SHQ1: variants seen among roughly 807,000 people sequenced by gnomAD.
SHQ1 encodes the protein SHQ1, H/ACA ribonucleoprotein assembly factor.
SHQ1 carries 49 observed loss-of-function variants against 53.8 expected under a neutral mutation model. The observed-to-expected ratio is 0.91, with a 90% CI of 0.72 to 1.16. The LOEUF (loss-of-function observed/expected upper bound fraction) is 1.16. Among genes scored for constraint, SHQ1 ranks in the 50% most tolerant of loss-of-function variants. The pLI, the probability that SHQ1 is intolerant of heterozygous loss-of-function variation, is 0.00. For missense variants in SHQ1, 738 were observed against 683.1 expected, an observed-to-expected ratio of 1.08 and a Z score of -0.90; for synonymous variants, 243 against 251.0, an observed-to-expected ratio of 0.97 and a Z score of 0.30.
Position 72,845,427 on chromosome 3 carries a change from G to A in SHQ1, c.144-1004C>T, listed in dbSNP as rs537325492. Among the ~76,000 whole-genome samples, 4 of 151,758 alleles carry A rather than the reference G, an allele frequency of 2.6e-5. No homozygotes were observed. The East Asian group carries it at 7.8e-4, about 30-fold the overall frequency. ...GAACCCAGGAAGGGGAGGTTGCAGT[G>A]AGCCGAGATCATTTGCCACTGCACT... is the stretch of plus-strand genomic sequence containing the variant. On this transcript the variant is annotated intron_variant, in intron 1 of 10. Coordinates refer to ENST00000325599, the MANE Select transcript of SHQ1 (RefSeq NM_018130.3).
intron 10 of SHQ1, among the ~76,000 whole-genome samples, chr3:72,788,203 C>A (rs930730145): frequency 7.9e-5 from 12 of 151,644 alleles, no homozygotes; most frequent in African/African-American, 2.2e-4. Flanking sequence ...AGCCCCTCTG[C>A]CCGGCCGCCC....
chr3:72,785,039 T>G (rs567352136), intron 10 of SHQ1, among the ~76,000 whole-genome samples: 24 of 152,336 alleles, frequency 1.6e-4, no homozygotes, highest in African/African-American at 5.5e-4. Flanking sequence ...GCCAATCACA[T>G]TCTTCCTCCC....
At chr3:72,820,936 T>A (rs1333046194) in intron 6 of SHQ1, among the ~76,000 whole-genome samples, 1 of 152,140 alleles carries the variant, frequency 6.6e-6, no homozygotes, top group African/African-American at 2.4e-5. Flanking sequence ...GGTAGTCACT[T>A]TTCTCTTCCA....
chr3:72,810,863 C>T (rs1707098552), intron 9 of SHQ1, among the ~76,000 whole-genome samples: 1 of 152,192 alleles, frequency 6.6e-6, no homozygotes, highest in Non-Finnish European at 1.5e-5. Context: ...AGTCACAGAA[C>T]ACACTGTACA....
At chr3:72,816,087 A>G (rs147353469) in intron 7 of SHQ1, among the ~76,000 whole-genome samples, 204 of 152,308 alleles carry the variant, frequency 1.3e-3, no homozygotes, top group Middle Eastern at 3.4e-3. Flanking sequence ...CACTAAATTA[A>G]TAGTCATCTT....
intron 3 of SHQ1, 128 bp from the exon 4 acceptor site, chr3:72,841,327 T>C: frequency 1.5e-6 from 1 of 662,166 alleles, no homozygotes; most frequent in Non-Finnish European, 2.4e-6. Context: ...TAAAAGAATA[T>C]TCATAGCTCC....
chr3:72,838,418 T>C (rs1708062478), intron 4 of SHQ1, among the ~76,000 whole-genome samples: 1 of 152,246 alleles, frequency 6.6e-6, no homozygotes, highest in Non-Finnish European at 1.5e-5. Context: ...CAATTAAAAT[T>C]TGAAGAAGAG....
At chr3:72,765,984 G>A (rs953559240) in intron 10 of SHQ1, among the ~76,000 whole-genome samples, 1 of 152,146 alleles carries the variant, frequency 6.6e-6, no homozygotes, top group African/African-American at 2.4e-5. Flanking sequence ...TAAAAAGTAA[G>A]TAAAATATAG....
Position 72,848,324 on chromosome 3 carries a change from A to AAC in SHQ1, c.15_16dup (p.Phe6CysfsTer11). 2.5e-6 allele frequency: 4 copies of AAC among 1,614,014 alleles called. No individual in the cohort carries two copies. The highest frequency in any genetic ancestry group is 3.4e-6 in the Non-Finnish European group (4 of 1,179,984). On this transcript the variant is annotated frameshift_variant, in exon 1 of 11. Transcript: ENST00000325599. LOFTEE classifies it high-confidence loss of function. ...GAAGTCCGGATCCTGGCTGAGGTCG[A>AAC]ACGCCGGGGTCAGCATCGCCGCACC...
chr3:72,752,126 G>A (rs566523754), intron 10 of SHQ1, among the ~76,000 whole-genome samples: 7 of 152,204 alleles, frequency 4.6e-5, no homozygotes, highest in South Asian at 2.1e-4. Flanking sequence ...TCCATACAAC[G>A]GAATAGCCTA....
At chr3:72,839,908 G>A (rs1268893568) in intron 4 of SHQ1, among the ~76,000 whole-genome samples, 5 of 151,786 alleles carry the variant, frequency 3.3e-5, no homozygotes, top group Non-Finnish European at 7.4e-5. Flanking sequence ...CTACAGGTGG[G>A]TGCCACCATG....
chr3:72,787,767 G>A (rs748648560), intron 10 of SHQ1, among the ~76,000 whole-genome samples: 9 of 150,196 alleles, frequency 6.0e-5, no homozygotes, highest in Admixed American at 6.6e-5. Context: ...GATGCCGAGC[G>A]GAGGCTGGAC....
intron 6 of SHQ1, among the ~76,000 whole-genome samples, chr3:72,823,661 C>G (rs954923893): frequency 6.6e-6 from 1 of 152,148 alleles, no homozygotes; most frequent in Non-Finnish European, 1.5e-5. Context: ...AAGGTACAAA[C>G]CGGGTATACG....
intron 10 of SHQ1, among the ~76,000 whole-genome samples, chr3:72,766,812 G>A (rs932312947): frequency 6.6e-6 from 1 of 152,138 alleles, no homozygotes; most frequent in Non-Finnish European, 1.5e-5. Context: ...TCCCCAGCTG[G>A]AGGAAACCTG....
At chr3:72,737,932 C>A in the SHQ1 span, among the ~76,000 whole-genome samples, 1 of 152,174 alleles carries the variant, frequency 6.6e-6, no homozygotes, top group African/African-American at 2.4e-5. Context: ...TGAGTTCTCC[C>A]TTTTTCTTAA....
chr3:72,802,170 C>T (rs1320801198), intron 9 of SHQ1, among the ~76,000 whole-genome samples: 1 of 152,192 alleles, frequency 6.6e-6, no homozygotes, highest in African/African-American at 2.4e-5. Flanking sequence ...ATGGATCAGC[C>T]CTGGCACTCC....
At chr3:72,790,229 A>G (rs570250516) in intron 10 of SHQ1, among the ~76,000 whole-genome samples, 103 of 152,354 alleles carry the variant, frequency 6.8e-4, no homozygotes, top group Non-Finnish European at 1.2e-3. Context: ...GAAAAATAAC[A>G]TAGGGAAACC....
intron 9 of SHQ1, among the ~76,000 whole-genome samples, chr3:72,800,249 C>T (rs1303890493): frequency 2.0e-5 from 3 of 152,178 alleles, no homozygotes; most frequent in African/African-American, 7.2e-5. Context: ...CCTCCAGAAC[C>T]ATGAGCCAAT....
intron 6 of SHQ1, among the ~76,000 whole-genome samples, chr3:72,822,680 G>A (rs558183732): frequency 6.6e-6 from 1 of 152,248 alleles, no homozygotes; most frequent in African/African-American, 2.4e-5. Context: ...ATTTAAGTTT[G>A]TTCAAACTTC....
Sources: gnomAD v4.1 joint callset for allele counts (sites outside exome capture counted in the v4.1 genomes callset) on GRCh38, gnomAD v4.1.1 for gene constraint, MANE v1.5 for transcripts, NCBI Gene and HGNC (gene_info 2026-07-23, HGNC 2026-07-21) for gene names.